XPO4: variants seen among roughly 807,000 people sequenced by gnomAD.
XPO4 encodes exportin 4.
A neutral mutation model predicts 143.0 loss-of-function variants in XPO4; 39 were observed. The ratio of observed to expected loss-of-function variants is 0.27; its 90% CI spans 0.21 to 0.36. XPO4 has a LOEUF of 0.36. Ranked by LOEUF, XPO4 falls within the 10% of genes least tolerant of loss-of-function variation. XPO4 has a pLI of 1.00. For missense variants in XPO4, 907 were observed against 1,348.0 expected, an observed-to-expected ratio of 0.67 and a Z score of 5.12; for synonymous variants, 439 against 474.0, an observed-to-expected ratio of 0.93 and a Z score of 0.96.
chr13:20,829,125 GTT>G (rs2059822235), intron 6 of XPO4, among the ~76,000 whole-genome samples: 1 of 152,054 alleles, frequency 6.6e-6, no homozygotes, highest in Non-Finnish European at 1.5e-5. Context: ...CTTTTTGTTT[GTT>G]TGTTTGTTTT....
chr13:20,883,455 A>G (rs2060432293), intron 1 of XPO4, among the ~76,000 whole-genome samples: 1 of 152,246 alleles, frequency 6.6e-6, no homozygotes, highest in South Asian at 2.1e-4. Flanking sequence ...TCAAAGAAAA[A>G]AGATATTTGT....
intron 18 of XPO4, among the ~76,000 whole-genome samples, chr13:20,791,609 C>T (rs943800831): frequency 1.3e-5 from 2 of 152,218 alleles, no homozygotes; most frequent in East Asian, 1.9e-4. Context: ...GAATTTAGTT[C>T]GCAGCTTGCC....
At chr13:20,824,409 G>A (rs2059758357) in intron 7 of XPO4, among the ~76,000 whole-genome samples, 1 of 152,028 alleles carries the variant, frequency 6.6e-6, no homozygotes, top group Admixed American at 6.6e-5. Context: ...AATCTTGAAT[G>A]TTCATTATGG....
chr13:20,839,505 T>C (rs1224137834), intron 6 of XPO4, among the ~76,000 whole-genome samples: 1 of 152,132 alleles, frequency 6.6e-6, no homozygotes, highest in Non-Finnish European at 1.5e-5. Context: ...ACATTCTAAA[T>C]GGGTATATAG....
intron 1 of XPO4, among the ~76,000 whole-genome samples, chr13:20,878,193 T>C (rs1430029655): frequency 6.6e-6 from 1 of 152,164 alleles, no homozygotes; most frequent in African/African-American, 2.4e-5. Flanking sequence ...TAACAAGTGT[T>C]TGGGGAAGTT....
At chr13:20,851,336 C>T in intron 4 of XPO4, 1 of 985,148 alleles carries the variant, frequency 1.0e-6, no homozygotes, top group Non-Finnish European at 1.2e-6. Flanking sequence ...TAAATTTCAT[C>T]CTGCAATCCT....
At chr13:20,856,372 A>AT in intron 3 of XPO4, 5 of 985,336 alleles carry the variant, frequency 5.1e-6, no homozygotes, top group Non-Finnish European at 6.0e-6. Context: ...CCTCCATGTG[A>AT]TGACAGAAGC....
At position 20,778,984 on chromosome 13, in the gene XPO4, C is replaced by T. The variant is rs999940191; in HGVS notation, c.*4738G>A. ...TATTCAGCCTATAACTGGCTCAATA[C>T]ATAGCCTTATTTCCTAAAATCATAT... On this transcript the variant is annotated 3_prime_UTR_variant, in exon 23 of 23. Transcript: ENST00000255305. The T allele has an allele frequency of 3.9e-5, 6 of 152,136 alleles. No homozygotes were observed. Among genetic ancestry groups the T allele is most frequent in the African/African-American group, 1.4e-4 (6 of 41,428 alleles). 9.4% of individuals were successfully genotyped at this position (152,136 alleles called of 1,614,324 possible).
chr13:20,824,514 C>T (rs765087519), intron 7 of XPO4, among the ~76,000 whole-genome samples: 2 of 152,152 alleles, frequency 1.3e-5, no homozygotes, highest in African/African-American at 4.8e-5. Flanking sequence ...AACTGTCTTT[C>T]GAGACGGTGT....
intron 1 of XPO4, among the ~76,000 whole-genome samples, chr13:20,885,192 C>T (rs1403946006): frequency 2.6e-5 from 4 of 152,138 alleles, no homozygotes; most frequent in African/African-American, 4.8e-5. Context: ...TCAGGTGATC[C>T]GCCTGCCTTG....
chr13:20,882,789 A>C (rs2060424741), intron 1 of XPO4, among the ~76,000 whole-genome samples: 1 of 151,644 alleles, frequency 6.6e-6, no homozygotes, highest in African/African-American at 2.4e-5. Flanking sequence ...CCAGAGTCTG[A>C]GGCAAGAGAA....
At chr13:20,796,461 G>T in intron 17 of XPO4, among the ~76,000 whole-genome samples, 1 of 150,300 alleles carries the variant, frequency 6.7e-6, no homozygotes, top group South Asian at 2.1e-4. Flanking sequence ...AAAATTTTAG[G>T]ACAAGAATTT....
chr13:20,865,681 GTTTT>G (rs1036126971), intron 2 of XPO4: 288 of 817,628 alleles, frequency 3.5e-4, no homozygotes, highest in Non-Finnish European at 4.1e-4. Flanking sequence ...TGACCAAAAA[GTTTT>G]TTTAAAAAAG....
intron 1 of XPO4, among the ~76,000 whole-genome samples, chr13:20,901,688 T>C (rs1432061455): frequency 6.6e-6 from 1 of 152,172 alleles, no homozygotes; most frequent in Non-Finnish European, 1.5e-5. Context: ...GTTCGAATAT[T>C]CTCAAATGTG....
chr13:20,835,301 C>G (rs1476769384), intron 6 of XPO4, among the ~76,000 whole-genome samples: 1 of 152,096 alleles, frequency 6.6e-6, no homozygotes, highest in Non-Finnish European at 1.5e-5. Context: ...CTTTAAAATT[C>G]CATCACTCTC....
At chr13:20,841,469 G>T (rs929630994) in intron 6 of XPO4, among the ~76,000 whole-genome samples, 1 of 152,082 alleles carries the variant, frequency 6.6e-6, no homozygotes, top group African/African-American at 2.4e-5. Context: ...CAACCAAAAA[G>T]AATTAAGTTA....
At chr13:20,848,557 C>T in intron 4 of XPO4, 1 of 985,178 alleles carries the variant, frequency 1.0e-6, no homozygotes. Flanking sequence ...AAATGACAAC[C>T]ACCTATTTCA....
intron 22 of XPO4, among the ~76,000 whole-genome samples, chr13:20,785,209 C>T (rs1265599855): frequency 1.3e-5 from 2 of 152,056 alleles, no homozygotes; most frequent in East Asian, 3.9e-4. Context: ...TCATGATAGA[C>T]CAAAATGGTG....
chr13:20,811,707 G>A (rs563791784), intron 9 of XPO4, among the ~76,000 whole-genome samples: 1 of 152,274 alleles, frequency 6.6e-6, no homozygotes, highest in African/African-American at 2.4e-5. Context: ...AGAAAGGGCT[G>A]ACACTGGAAA....
Sources: allele counts gnomAD v4.1 joint callset (sites outside exome capture counted in the v4.1 genomes callset), GRCh38; gene constraint gnomAD v4.1.1; transcripts MANE v1.5; gene names NCBI Gene and HGNC (gene_info 2026-07-23, HGNC 2026-07-21).